The following MICU1 variants were observed in gnomAD, a reference collection of about 807,000 sequenced individuals.
The protein encoded by MICU1 is calcium uptake protein 1, mitochondrial.
In MICU1, 45 loss-of-function variants were observed where a neutral mutation model predicts 56.8. The observed-to-expected ratio is 0.79, with a 90% CI of 0.62 to 1.02. The LOEUF (loss-of-function observed/expected upper bound fraction) is 1.02, where lower values mean the gene tolerates loss of function less well. MICU1 is among the 50% of genes least tolerant of loss of function. MICU1 has a pLI of 0.00. For synonymous variants in MICU1, 186 were observed against 195.1 expected (o/e 0.95, Z 0.39); for missense variants, 504 against 587.1 (o/e 0.86, Z 1.46).
intron 1 of MICU1, among the ~76,000 whole-genome samples, chr10:72,585,267 A>G (rs1275568342): frequency 1.3e-5 from 2 of 151,746 alleles, no homozygotes; most frequent in Non-Finnish European, 2.9e-5. Context: ...TTGTATTTTT[A>G]GTAAGTTCAT....
At chr10:72,370,554 A>G (rs1862298573) in intron 11 of MICU1, among the ~76,000 whole-genome samples, 2 of 152,210 alleles carry the variant, frequency 1.3e-5, no homozygotes, top group African/African-American at 2.4e-5. Context: ...TGGCTTATTT[A>G]TATAAAGTAC....
intron 8 of MICU1, among the ~76,000 whole-genome samples, chr10:72,453,675 T>G (rs1418742861): frequency 6.6e-6 from 1 of 150,760 alleles, no homozygotes; most frequent in African/African-American, 2.4e-5. Flanking sequence ...GATTACAGGC[T>G]TGCACCACCA....
intron 1 of MICU1, among the ~76,000 whole-genome samples, chr10:72,605,478 A>G (rs905317260): frequency 9.2e-5 from 14 of 152,200 alleles, no homozygotes; most frequent in Admixed American, 9.2e-4. Flanking sequence ...TTCTTAATAA[A>G]CTTGCTCACT....
intron 8 of MICU1, among the ~76,000 whole-genome samples, chr10:72,428,743 C>T (rs995847477): frequency 3.3e-5 from 5 of 151,984 alleles, no homozygotes; most frequent in African/African-American, 4.8e-5. Flanking sequence ...GCCAAAACCA[C>T]GAAGATAATA....
At chr10:72,456,506 G>A (rs937898813) in intron 8 of MICU1, among the ~76,000 whole-genome samples, 5 of 152,130 alleles carry the variant, frequency 3.3e-5, no homozygotes, top group Non-Finnish European at 7.3e-5. Flanking sequence ...GGAGGAACTG[G>A]AGCCTAGTGC....
At chr10:72,588,898 C>T (rs1281864399) in intron 1 of MICU1, among the ~76,000 whole-genome samples, 1 of 152,166 alleles carries the variant, frequency 6.6e-6, no homozygotes, top group South Asian at 2.1e-4. Flanking sequence ...CATTGTAAAA[C>T]TAACTCAAAC....
chr10:72,548,192 T>G (rs777585668), intron 4 of MICU1, among the ~76,000 whole-genome samples: 6 of 152,136 alleles, frequency 3.9e-5, no homozygotes, highest in Non-Finnish European at 7.3e-5. Context: ...TACAACTAAC[T>G]GCTGCAGCAG....
At chr10:72,600,503 G>A (rs575786532) in intron 1 of MICU1, among the ~76,000 whole-genome samples, 2 of 151,712 alleles carry the variant, frequency 1.3e-5, no homozygotes, top group South Asian at 4.2e-4. Context: ...ATAAAAATTA[G>A]CTGGGCACGG....
intron 1 of MICU1, among the ~76,000 whole-genome samples, chr10:72,593,400 G>C (rs1841283323): frequency 6.6e-6 from 1 of 151,718 alleles, no homozygotes; most frequent in South Asian, 2.1e-4. Context: ...AGGAGTTCAA[G>C]ACCAGCCTGG....
chr10:72,448,105 G>C (rs1306918131), intron 8 of MICU1, among the ~76,000 whole-genome samples: 1 of 138,328 alleles, frequency 7.2e-6, no homozygotes, highest in Non-Finnish European at 1.5e-5. Flanking sequence ...GGGCACCATG[G>C]AAAAAGTTTA....
At chr10:72,465,267 G>A (rs560979140) in intron 8 of MICU1, among the ~76,000 whole-genome samples, 1 of 150,738 alleles carries the variant, frequency 6.6e-6, no homozygotes, top group East Asian at 1.9e-4. Context: ...AAAAGTGCTG[G>A]GATTATAGGC....
chr10:72,368,752 G>A (rs1862230766), intron 11 of MICU1, among the ~76,000 whole-genome samples: 1 of 152,098 alleles, frequency 6.6e-6, no homozygotes, highest in Non-Finnish European at 1.5e-5. Flanking sequence ...CCTGGCTGAG[G>A]GTAATGCAAA....
In MICU1 at chr10:72,431,869, C is replaced by G. The variant is rs147868813; in HGVS notation, c.934-8498G>C. Among the ~76,000 whole-genome samples, 427 of 152,204 alleles carry G rather than the reference C, an allele frequency of 2.8e-3. 3 individuals carry two copies. Among genetic ancestry groups the G allele is most frequent in the African/African-American group, 9.7e-3 (403 of 41,554 alleles). ...CATTTCTTAGTATCCTTAACAAAATCAAACATAATAAAAAATCTTTGCTAG... is the reference window on the plus strand; with the variant it reads ...CATTTCTTAGTATCCTTAACAAAATGAAACATAATAAAAAATCTTTGCTAG... On this transcript the variant is annotated intron_variant, in intron 8 of 11. Coordinates refer to ENST00000361114, the MANE Select transcript of MICU1 (RefSeq NM_001195518.2).
At chr10:72,577,147 CATA>C (rs1410428590) in intron 1 of MICU1, among the ~76,000 whole-genome samples, 1 of 151,734 alleles carries the variant, frequency 6.6e-6, no homozygotes, top group Non-Finnish European at 1.5e-5. Context: ...GGCACAAAGG[CATA>C]ATAATGATAT....
chr10:72,568,181 C>T (rs1265324253), intron 1 of MICU1, among the ~76,000 whole-genome samples: 2 of 152,034 alleles, frequency 1.3e-5, no homozygotes, highest in Non-Finnish European at 1.5e-5. Context: ...AAGCCCTCCT[C>T]CCTACCAGAT....
chr10:72,488,557 A>C (rs1866549182), intron 6 of MICU1, among the ~76,000 whole-genome samples: 3 of 152,232 alleles, frequency 2.0e-5, no homozygotes, highest in Admixed American at 2.0e-4. Flanking sequence ...TTCCTAAAAA[A>C]TCCAAGGAAA....
intron 1 of MICU1, among the ~76,000 whole-genome samples, chr10:72,572,012 TAAA>T (rs567595390): frequency 7.2e-6 from 1 of 138,808 alleles, no homozygotes. Context: ...GGTACTATGG[TAAA>T]AAAAAAAAAA....
intron 8 of MICU1, among the ~76,000 whole-genome samples, chr10:72,440,529 A>G (rs1187687543): frequency 6.6e-6 from 1 of 152,244 alleles, no homozygotes; most frequent in African/African-American, 2.4e-5. Flanking sequence ...CAATGGCAAC[A>G]AAAGCCAAAA....
At chr10:72,544,166 G>A (rs868737636) in intron 4 of MICU1, among the ~76,000 whole-genome samples, 1 of 152,090 alleles carries the variant, frequency 6.6e-6, no homozygotes, top group East Asian at 1.9e-4. Flanking sequence ...CCCCAGTCAC[G>A]TACCCGCTGC....
Sources: gnomAD v4.1 joint callset for allele counts (sites outside exome capture counted in the v4.1 genomes callset) on GRCh38, gnomAD v4.1.1 for gene constraint, MANE v1.5 for transcripts, NCBI Gene and HGNC (gene_info 2026-07-23, HGNC 2026-07-21) for gene names.